Variants in PSMA8 observed in about 807,000 individuals in gnomAD.
PSMA8 encodes the protein proteasome 20S subunit alpha 8, also known as proteasome subunit alpha-type 8.
Under a neutral mutation model 32.4 loss-of-function variants are expected in PSMA8, and 18 were observed. The observed-to-expected ratio is 0.56, with a 90% CI of 0.38 to 0.82. The LOEUF (loss-of-function observed/expected upper bound fraction) is 0.82. Ranked by LOEUF, PSMA8 falls within the 40% of genes least tolerant of loss-of-function variation. The probability of loss-of-function intolerance (pLI) is 0.00; values close to 1 mark genes in which losing one functional copy is unlikely to be tolerated. For missense variants in PSMA8, 298 were observed against 300.7 expected (o/e 0.99, Z 0.07); for synonymous variants, 104 against 98.1 (o/e 1.06, Z -0.36).
intron 1 of PSMA8, among the ~76,000 whole-genome samples, chr18:26,143,578 CTTA>C (rs1354545584): frequency 2.0e-5 from 3 of 152,020 alleles, no homozygotes; most frequent in African/African-American, 7.3e-5. Context: ...TGTCGTAGAC[CTTA>C]TTGTTTGTTT....
chr18:26,135,261 C>T (rs1259100890), intron 1 of PSMA8, among the ~76,000 whole-genome samples: 1 of 152,134 alleles, frequency 6.6e-6, no homozygotes, highest in African/African-American at 2.4e-5. Flanking sequence ...AAGGCCTAGC[C>T]TATGAATTCA....
At chr18:26,150,452 C>T (rs1457221896) in intron 2 of PSMA8, among the ~76,000 whole-genome samples, 3 of 152,198 alleles carry the variant, frequency 2.0e-5, no homozygotes, top group South Asian at 2.1e-4. Context: ...ATCCCCCCGC[C>T]GCAGCCTCCC....
chr18:26,178,757 C>G, intron 4 of PSMA8, 73 bp from the exon 5 acceptor site: 1 of 1,418,924 alleles, frequency 7.0e-7, no homozygotes, highest in Non-Finnish European at 9.7e-7. Context: ...CTCCAAACCT[C>G]TAAACTTTAC....
At chr18:26,172,516 T>G (rs1408594284) in intron 4 of PSMA8, among the ~76,000 whole-genome samples, 2 of 152,224 alleles carry the variant, frequency 1.3e-5, no homozygotes, top group South Asian at 4.1e-4. Context: ...TTTATAGGTA[T>G]GTAGCAATGT....
Position 26,151,872 on chromosome 18 carries a change from G to A in PSMA8, c.244G>A (p.Ala82Thr), listed in dbSNP as rs1178027142. ...AATTTTTATAGGACTTACTGCTGAT[G>A]CTAGAGTAGTAATAAACAGAGCCCG... The part of the protein sequence containing the change: ...CMAFAGLTAD[A>T]RVVINRARVE... The change falls in exon 3 of 7, where the codon GCT (alanine) becomes ACT (threonine). Residue 82 changes from alanine to threonine, a missense_variant. Coordinates refer to ENST00000415576, the MANE Select transcript of PSMA8 (RefSeq NM_001025096.2). 1 of 1,606,846 alleles carries A rather than the reference G, an allele frequency of 6.2e-7. No homozygotes were observed. Among genetic ancestry groups the A allele is most frequent in the African/African-American group, 1.3e-5 (1 of 74,778 alleles).
chr18:26,188,520 A>G (rs1024064360), intron 6 of PSMA8, among the ~76,000 whole-genome samples: 1 of 152,154 alleles, frequency 6.6e-6, no homozygotes, highest in Non-Finnish European at 1.5e-5. Flanking sequence ...ACCTCAAAAG[A>G]CCCAGAAGAG....
chr18:26,144,522 G>A, intron 1 of PSMA8, 37 bp from the exon 2 acceptor site: 1 of 1,565,544 alleles, frequency 6.4e-7, no homozygotes, highest in Non-Finnish European at 8.8e-7. Flanking sequence ...ATTTTAAACT[G>A]ACATCTGAAT....
intron 4 of PSMA8, among the ~76,000 whole-genome samples, chr18:26,177,460 G>T (rs1275131373): frequency 3.3e-5 from 5 of 152,158 alleles, no homozygotes; most frequent in Non-Finnish European, 7.4e-5. Flanking sequence ...AATCATTTTT[G>T]TGATGGTTAG....
chr18:26,148,927 G>A (rs1448605682), intron 2 of PSMA8, among the ~76,000 whole-genome samples: 1 of 152,120 alleles, frequency 6.6e-6, no homozygotes, highest in Non-Finnish European at 1.5e-5. Flanking sequence ...GCTCACTGCA[G>A]CCTTGAACTC....
Position 26,192,591 on chromosome 18 carries a change from T to C in PSMA8, c.*180T>C. On this transcript the variant is annotated 3_prime_UTR_variant, in exon 7 of 7. Coordinates refer to ENST00000415576, the MANE Select transcript of PSMA8 (RefSeq NM_001025096.2). ...TCTATTACATAGTCAAACATAGGTTTATGTGAAGATTTTCTTTGAAAGGGG... is the reference window on the plus strand; with the variant it reads ...TCTATTACATAGTCAAACATAGGTTCATGTGAAGATTTTCTTTGAAAGGGG... 1.7e-6 allele frequency: 1 copy of C among 585,754 alleles called. No homozygotes were observed. Among genetic ancestry groups the C allele is most frequent in the Non-Finnish European group, 2.5e-6 (1 of 404,934 alleles). 36.3% of individuals were successfully genotyped at this position (585,754 alleles called of 1,614,324 possible). A position where few individuals can be genotyped will look rare whatever the true frequency, so the allele number is the denominator to read the frequency against.
At position 26,179,087 on chromosome 18, in the gene PSMA8, A is replaced by G. The variant is rs17852261; in HGVS notation, c.617A>G (p.Lys206Arg). The change falls in exon 6 of 7, where the codon AAA (lysine) becomes AGA (arginine). Residue 206 changes from lysine to arginine, a missense_variant. Coordinates refer to ENST00000415576, the MANE Select transcript of PSMA8 (RefSeq NM_001025096.2). ...ALLEVVQSGG[K>R]NIELAIIRRN... ...CATTAGGTTGTCCAGTCTGGTGGAAAAAACATTGAACTTGCTATAATAAGA... is the reference window on the plus strand; with the variant it reads ...CATTAGGTTGTCCAGTCTGGTGGAAGAAACATTGAACTTGCTATAATAAGA... 1.2e-6 allele frequency: 2 copies of G among 1,613,268 alleles called. No homozygotes were observed. Among genetic ancestry groups the G allele is most frequent in the South Asian group, 2.2e-5 (2 of 90,998 alleles).
rs1361319848 is a variant in PSMA8, at chr18:26,193,305, T to C, written c.*894T>C. The C allele has an allele frequency of 6.6e-6, 1 of 152,208 alleles. No homozygotes were observed. The highest frequency in any genetic ancestry group is 2.4e-5 in the African/African-American group (1 of 41,458). 9.4% of individuals were successfully genotyped at this position (152,208 alleles called of 1,614,324 possible). On this transcript the variant is annotated 3_prime_UTR_variant, in exon 7 of 7. Coordinates refer to ENST00000415576, the MANE Select transcript of PSMA8 (RefSeq NM_001025096.2). ...AAATGGTCCACAAGAGGAATGTGCT[T>C]AATTCCTACAGTGAGTTTATATTTT...
intron 6 of PSMA8, among the ~76,000 whole-genome samples, chr18:26,182,095 G>A (rs1428541137): frequency 1.3e-5 from 2 of 152,172 alleles, no homozygotes; most frequent in Non-Finnish European, 2.9e-5. Flanking sequence ...AGAAGAAAAG[G>A]CTGGAGCTAA....
At chr18:26,172,072 C>T (rs1452959592) in intron 4 of PSMA8, among the ~76,000 whole-genome samples, 1 of 152,142 alleles carries the variant, frequency 6.6e-6, no homozygotes, top group African/African-American at 2.4e-5. Flanking sequence ...AGGTAGCCTG[C>T]CCTTTATCTG....
At chr18:26,160,588 T>C (rs1245984226) in intron 4 of PSMA8, among the ~76,000 whole-genome samples, 1 of 152,238 alleles carries the variant, frequency 6.6e-6, no homozygotes, top group Non-Finnish European at 1.5e-5. Context: ...TGTCTGTTTG[T>C]TTTTTACTCT....
intron 4 of PSMA8, among the ~76,000 whole-genome samples, chr18:26,172,931 G>A (rs1057105841): frequency 1.3e-5 from 2 of 152,120 alleles, no homozygotes; most frequent in East Asian, 1.9e-4. Context: ...GCAGAAAGAC[G>A]TGACCTTATT....
At chr18:26,152,290 G>A (rs1269488196) in intron 3 of PSMA8, among the ~76,000 whole-genome samples, 1 of 151,998 alleles carries the variant, frequency 6.6e-6, no homozygotes, top group Non-Finnish European at 1.5e-5. Context: ...GTTTTCCAGA[G>A]AAGTACCTTT....
intron 2 of PSMA8, among the ~76,000 whole-genome samples, chr18:26,150,488 C>A (rs925791960): frequency 1.3e-5 from 2 of 152,130 alleles, no homozygotes; most frequent in African/African-American, 4.8e-5. Context: ...CAGGCATGTG[C>A]CAGCATGGCC....
chr18:26,135,988 A>G (rs1391113390), intron 1 of PSMA8, among the ~76,000 whole-genome samples: 1 of 152,186 alleles, frequency 6.6e-6, no homozygotes, highest in Non-Finnish European at 1.5e-5. Context: ...CTTGATTATT[A>G]AAATATGTCA....
Sources: gnomAD v4.1 joint callset for allele counts (sites outside exome capture counted in the v4.1 genomes callset) on GRCh38, gnomAD v4.1.1 for gene constraint, MANE v1.5 for transcripts, NCBI Gene and HGNC (gene_info 2026-07-23, HGNC 2026-07-21) for gene names.